The following NOD2 variants were observed in gnomAD, a reference collection of about 807,000 sequenced individuals.
NOD2 encodes the protein nucleotide binding oligomerization domain containing 2, also known as nucleotide-binding oligomerization domain-containing protein 2.
A neutral mutation model predicts 90.9 loss-of-function variants in NOD2; 86 were observed. The observed-to-expected ratio is 0.95, with a 90% CI of 0.79 to 1.13. NOD2 has a LOEUF of 1.13. Among genes scored for constraint, NOD2 ranks in the 50% most tolerant of loss-of-function variants. The pLI is 0.00. For missense variants in NOD2, 1,238 were observed against 1,283.8 expected (o/e 0.96, Z 0.55); for synonymous variants, 581 against 554.6 (o/e 1.05, Z -0.67).
At position 50,693,862 on chromosome 16, in the gene NOD2, A is replaced by G. The variant is rs542089641; in HGVS notation, c.-9+200A>G. Among the ~76,000 whole-genome samples the G allele has an allele frequency of 2.0e-5, 3 of 152,028 alleles. 1 individual carries two copies. The South Asian group carries it at 6.3e-4, about 32-fold the overall frequency. On this transcript the variant is annotated intron_variant, in intron 1 of 11. Transcript: ENST00000647318. Reference sequence around the variant, plus strand: ...GAAAGGGGGCATCTCGAGGTTGGGGAGGCCCCTGGGCCACTCTTTTGATTT... The same window carrying G: ...GAAAGGGGGCATCTCGAGGTTGGGGGGGCCCCTGGGCCACTCTTTTGATTT...
intron 7 of NOD2, among the ~76,000 whole-genome samples, 166 bp downstream of exon 7, chr16:50,720,174 C>T (rs1964991619): frequency 1.3e-5 from 2 of 152,302 alleles, no homozygotes; most frequent in South Asian, 2.1e-4. Context: ...CACCTTCATA[C>T]TTGGTCTATG....
intron 1 of NOD2, among the ~76,000 whole-genome samples, chr16:50,696,988 C>A (rs910950249): frequency 3.3e-5 from 5 of 152,218 alleles, no homozygotes; most frequent in Admixed American, 2.0e-4. Flanking sequence ...TGTCTCATGT[C>A]CCCAGTGGGG....
In NOD2 at chr16:50,711,813, G is replaced by T. The variant is rs1176944571; in HGVS notation, c.1821G>T (p.Arg607Ser). 2 of 1,614,008 alleles carry T rather than the reference G, an allele frequency of 1.2e-6. No homozygotes were observed. Among genetic ancestry groups the T allele is most frequent in the Non-Finnish European group, 1.7e-6 (2 of 1,179,982 alleles). Residue 607 changes from arginine to serine, a missense_variant, in exon 4 of 12, where the codon AGG becomes AGT. Physicochemically the swap from Arg to Ser is moderately radical, Grantham distance 110. Transcript: ENST00000647318. ...TCAGACACCTCTTCAATTGTGGCAG[G>T]CCAGGCAACTCACCAATGGCCAGGC... The part of the protein sequence containing the change: ...ALLRHLFNCG[R>S]PGNSPMARLL...
intron 10 of NOD2, chr16:50,728,328 A>G (rs532643522): frequency 3.9e-5 from 15 of 388,638 alleles, no homozygotes; most frequent in African/African-American, 3.1e-4. Flanking sequence ...TACGTTAGTT[A>G]GCAGTTCCTG....
At position 50,733,064 on chromosome 16, in the gene NOD2, G is replaced by A. The variant is rs1202128837; in HGVS notation, c.*1245G>A. 1 of 152,348 alleles carries A rather than the reference G, an allele frequency of 6.6e-6. No individual in the cohort carries two copies. The highest frequency in any genetic ancestry group is 2.4e-5 in the African/African-American group (1 of 41,448). 9.4% of individuals were successfully genotyped at this position (152,348 alleles called of 1,614,324 possible). ...GTAAATAATCAGAGGGGAATAAACT[G>A]TTGAGTCAAAACAGCCATCTTCCTT... On this transcript the variant is annotated 3_prime_UTR_variant, in exon 12 of 12. Coordinates refer to ENST00000647318, the MANE Select transcript of NOD2 (RefSeq NM_001370466.1).
In NOD2 at chr16:50,716,894, A is replaced by T. The variant is rs768823670; in HGVS notation, c.2469A>T (p.Leu823=). The T allele has an allele frequency of 6.2e-7, 1 of 1,614,038 alleles. No individual in the cohort carries two copies. Among genetic ancestry groups the T allele is most frequent in the African/African-American group, 1.3e-5 (1 of 74,946 alleles). Residue 823 remains leucine, a synonymous_variant, in exon 6 of 12, where the codon CTA becomes CTT. Transcript: ENST00000647318. The part of the protein sequence containing the change: ...LHCEQLQKLA[L]FNNKLTDGCA... ...CCTCTCTTCTGGAACTGAACAGTCT[A>T]TTCAACAACAAATTGACTGACGGCT...
intron 10 of NOD2, 21 bp from the exon 11 acceptor site, chr16:50,729,797 C>G: frequency 6.3e-7 from 1 of 1,599,392 alleles, no homozygotes. Flanking sequence ...TTGAAGCTCA[C>G]CATTGTATCT....
intron 2 of NOD2, among the ~76,000 whole-genome samples, chr16:50,704,636 T>C (rs4785449): frequency 0.62 from 93,858 of 151,658 alleles, 30,080 homozygotes; most frequent in Non-Finnish European, 0.69. Context: ...TGGGTTTAAG[T>C]GATTCTTCTT....
chr16:50,714,892 G>A (rs542942074), intron 4 of NOD2, among the ~76,000 whole-genome samples: 41 of 152,274 alleles, frequency 2.7e-4, no homozygotes, highest in South Asian at 6.2e-4. Flanking sequence ...TTGAGAAAGA[G>A]AGAGAGAGAG....
At chr16:50,697,083 T>C (rs1596818332) in intron 1 of NOD2, 1 of 693,348 alleles carries the variant, frequency 1.4e-6, no homozygotes, top group East Asian at 2.7e-5. Context: ...GAAGGCTGGT[T>C]GGCCAACTCT....
At chr16:50,716,010 G>A (rs1304273156) in intron 4 of NOD2, among the ~76,000 whole-genome samples, 1 of 152,190 alleles carries the variant, frequency 6.6e-6, no homozygotes, top group African/African-American at 2.4e-5. Context: ...GGTGCCCCAA[G>A]AGGAGTGGCA....
At chr16:50,697,406 T>A (rs779172492) in intron 1 of NOD2, 5 of 1,190,506 alleles carry the variant, frequency 4.2e-6, no homozygotes, top group Admixed American at 2.0e-5. Context: ...TGGGGTCAGA[T>A]GGGGAGTGCT....
intron 7 of NOD2, among the ~76,000 whole-genome samples, chr16:50,721,594 G>A (rs2150831882): frequency 6.6e-6 from 1 of 152,124 alleles, no homozygotes; most frequent in East Asian, 1.9e-4. Flanking sequence ...CTGAGCTCAA[G>A]TGATCTTCCT....
At chr16:50,714,482 C>T (rs1964688190) in intron 4 of NOD2, among the ~76,000 whole-genome samples, 1 of 152,104 alleles carries the variant, frequency 6.6e-6, no homozygotes, top group African/African-American at 2.4e-5. Flanking sequence ...CAGCAACCAG[C>T]TTGGTTTTCC....
At chr16:50,696,439 A>G (rs1963651517) in intron 1 of NOD2, 1 of 152,358 alleles carries the variant, frequency 6.6e-6, no homozygotes, top group South Asian at 2.1e-4. Context: ...GGCAATGCAG[A>G]TAGACTGACA....
At chr16:50,722,171 G>C (rs955077695) in intron 7 of NOD2, among the ~76,000 whole-genome samples, 2 of 152,190 alleles carry the variant, frequency 1.3e-5, no homozygotes, top group African/African-American at 4.8e-5. Flanking sequence ...AGGAATTAGG[G>C]GTGTTAGGAA....
At chr16:50,697,481 G>A in intron 1 of NOD2, 1 of 731,612 alleles carries the variant, frequency 1.4e-6, no homozygotes, top group Non-Finnish European at 2.4e-6. Context: ...CAGGACCTGG[G>A]CAGGGTCAAT....
chr16:50,722,771 C>A, intron 8 of NOD2, 66 bp downstream of exon 8: 2 of 1,440,436 alleles, frequency 1.4e-6, no homozygotes, highest in South Asian at 1.1e-5. Context: ...GAGCTGGGGC[C>A]AGTTCTGAAG....
chr16:50,723,138 A>AG (rs1228835692), intron 8 of NOD2, among the ~76,000 whole-genome samples, 163 bp from the exon 9 acceptor site: 43 of 122,882 alleles, frequency 3.5e-4, no homozygotes, highest in Non-Finnish European at 5.8e-4. Flanking sequence ...TAAAAAGGGT[A>AG]GAAAAAAAAA....
Sources: gnomAD v4.1 joint callset for allele counts (sites outside exome capture counted in the v4.1 genomes callset) on GRCh38, gnomAD v4.1.1 for gene constraint, MANE v1.5 for transcripts, NCBI Gene and HGNC (gene_info 2026-07-23, HGNC 2026-07-21) for gene names.